The following ARL6IP6 variants were observed in gnomAD, a reference collection of about 807,000 sequenced individuals.
The protein encoded by ARL6IP6 is ADP-ribosylation factor-like protein 6-interacting protein 6.
A neutral mutation model predicts 21.5 loss-of-function variants in ARL6IP6; 22 were observed. That is an observed-to-expected ratio of 1.02 (90% CI 0.73 to 1.46). The LOEUF is 1.46. Among genes scored for constraint, ARL6IP6 ranks in the 40% most tolerant of loss-of-function variants. The pLI, the probability that ARL6IP6 is intolerant of heterozygous loss-of-function variation, is 0.00. For missense variants in ARL6IP6, 388 were observed against 299.8 expected (o/e 1.29, Z -2.17); for synonymous variants, 164 against 125.3 (o/e 1.31, Z -2.06).
intron 2 of ARL6IP6, among the ~76,000 whole-genome samples, chr2:152,725,670 A>G (rs192706945): frequency 6.6e-6 from 1 of 152,248 alleles, no homozygotes; most frequent in Non-Finnish European, 1.5e-5. Flanking sequence ...AAGCAGGAAT[A>G]ATGACAAGCT....
upstream of ARL6IP6, chr2:152,717,726 G>C (rs190321952): frequency 1.5e-6 from 2 of 1,349,794 alleles, no homozygotes; most frequent in Non-Finnish European, 9.6e-7. Context: ...GAAGACAACA[G>C]TGTCCCAGCT....
intron 2 of ARL6IP6, among the ~76,000 whole-genome samples, chr2:152,733,831 A>G (rs913637496): frequency 6.6e-6 from 1 of 152,130 alleles, no homozygotes; most frequent in Non-Finnish European, 1.5e-5. Flanking sequence ...TTATCTTCCT[A>G]TCCCACTAGA....
chr2:152,718,860 G>C lies in ARL6IP6; in HGVS notation c.236G>C (p.Gly79Ala), dbSNP rs756811007. Residue 79 changes from glycine to alanine, a missense_variant, in exon 1 of 4, where the codon GGG (glycine) becomes GCG (alanine). By Grantham distance (60) the Gly-to-Ala change is moderately conservative. Transcript: ENST00000326446. Reference sequence around the variant, plus strand: ...TCGGTGCTCCCGCCGGACGGGAACGGGTCGCCCGTTCTGCCCGATAAGCGC... The same window carrying C: ...TCGGTGCTCCCGCCGGACGGGAACGCGTCGCCCGTTCTGCCCGATAAGCGC... Reference protein sequence around the residue: ...KRSVLPPDGNGSPVLPDKRNG... With the variant: ...KRSVLPPDGNASPVLPDKRNG... 5.0e-6 allele frequency: 8 copies of C among 1,613,286 alleles called. No individual in the cohort carries two copies. The African/African-American group carries it at 9.3e-5, about 19-fold the overall frequency.
chr2:152,725,349 T>TG (rs1349062480), intron 2 of ARL6IP6, among the ~76,000 whole-genome samples: 1 of 152,194 alleles, frequency 6.6e-6, no homozygotes, highest in Non-Finnish European at 1.5e-5. Flanking sequence ...GAATTAGGAT[T>TG]CCAGTAAGAC....
At chr2:152,727,405 G>A (rs1559225858) in intron 2 of ARL6IP6, among the ~76,000 whole-genome samples, 2 of 152,252 alleles carry the variant, frequency 1.3e-5, no homozygotes, top group East Asian at 3.9e-4. Flanking sequence ...GTAAGCTAAG[G>A]TTAATTTATT....
chr2:152,726,625 A>G (rs1700063694), intron 2 of ARL6IP6, among the ~76,000 whole-genome samples: 2 of 152,248 alleles, frequency 1.3e-5, no homozygotes, highest in South Asian at 4.1e-4. Context: ...AGTTTCATGC[A>G]TATGATACAT....
rs1701844129 is a variant in ARL6IP6 at position 152,761,542 on chromosome 2, G to A, written c.*1702G>A. On this transcript the variant is annotated 3_prime_UTR_variant, in exon 4 of 4. Coordinates refer to ENST00000326446, the MANE Select transcript of ARL6IP6 (RefSeq NM_152522.7). ...TTATTAACAGTAGACCCTAGATAGA[G>A]ATATGTACACCCTAGACAGTCATGT... Among the ~76,000 whole-genome samples the A allele has an allele frequency of 6.6e-6, 1 of 152,156 alleles. No individual in the cohort carries two copies. Among genetic ancestry groups the A allele is most frequent in the Admixed American group, 6.5e-5 (1 of 15,272 alleles).
intron 2 of ARL6IP6, among the ~76,000 whole-genome samples, chr2:152,721,935 T>C (rs1307312510): frequency 6.6e-6 from 1 of 152,264 alleles, no homozygotes; most frequent in East Asian, 1.9e-4. Flanking sequence ...TGTATGTTTT[T>C]ACATTGTTTT....
chr2:152,728,449 C>T (rs989214492), intron 2 of ARL6IP6, among the ~76,000 whole-genome samples: 12 of 152,088 alleles, frequency 7.9e-5, no homozygotes, highest in African/African-American at 2.9e-4. Context: ...TGTCTGACTT[C>T]ATAAAACTTC....
intron 3 of ARL6IP6, among the ~76,000 whole-genome samples, chr2:152,758,999 G>A (rs1352823125): frequency 6.6e-6 from 1 of 152,120 alleles, no homozygotes; most frequent in African/African-American, 2.4e-5. Context: ...GTCTCAGTTG[G>A]ATACTACCTT....
At chr2:152,738,756 C>T (rs1206799458) in intron 3 of ARL6IP6, among the ~76,000 whole-genome samples, 1 of 152,138 alleles carries the variant, frequency 6.6e-6, no homozygotes, top group Non-Finnish European at 1.5e-5. Flanking sequence ...GCTGGGAAGA[C>T]CTCTGACATG....
intron 3 of ARL6IP6, among the ~76,000 whole-genome samples, chr2:152,736,748 C>T (rs1252959795): frequency 2.0e-5 from 3 of 152,080 alleles, no homozygotes; most frequent in Non-Finnish European, 4.4e-5. Flanking sequence ...TACAATACAA[C>T]AATAAAAAGT....
At chr2:152,720,492 T>C (rs574413561) in intron 1 of ARL6IP6, 41 bp from the exon 2 acceptor site, 7 of 1,587,162 alleles carry the variant, frequency 4.4e-6, no homozygotes, top group Middle Eastern at 1.7e-4. Context: ...TTTCAAATTA[T>C]AGTATTGCTT....
chr2:152,717,816 G>C (rs1450567191), upstream of ARL6IP6: 3 of 1,146,222 alleles, frequency 2.6e-6, no homozygotes, highest in East Asian at 6.6e-5. Context: ...CCCGAGTTAC[G>C]TACGCCCCAC....
chr2:152,718,731 G>C lies in ARL6IP6; in HGVS notation c.107G>C (p.Ser36Thr). ...PSYSSFTQGD[S>T]WGEGEVDEEE... is the part of the protein sequence containing the mutation. ...TATTCCTCCTTTACTCAGGGGGACA[G>C]CTGGGGTGAAGGCGAAGTCGACGAG... Residue 36 changes from serine to threonine, a missense_variant, in exon 1 of 4, where the codon AGC becomes ACC. Coordinates refer to ENST00000326446, the MANE Select transcript of ARL6IP6 (RefSeq NM_152522.7). 1.9e-6 allele frequency: 3 copies of C among 1,610,918 alleles called. No homozygotes were observed. The highest frequency in any genetic ancestry group is 2.5e-6 in the Non-Finnish European group (3 of 1,178,662).
Position 152,750,211 on chromosome 2 carries a change from G to T in ARL6IP6, c.588-9536G>T, listed in dbSNP as rs551540447. Among the ~76,000 whole-genome samples the T allele has an allele frequency of 1.8e-4, 28 of 152,274 alleles. No homozygotes were observed. In the South Asian group the frequency reaches 5.8e-3, roughly 32 times the overall value. Reference sequence around the variant, plus strand: ...TGTAGAACTGAGACCGAGCGCAGTGGCTCACGCCTGTATCCCAGCACTTTG... The same window carrying T: ...TGTAGAACTGAGACCGAGCGCAGTGTCTCACGCCTGTATCCCAGCACTTTG... On this transcript the variant is annotated intron_variant, in intron 3 of 3. Transcript: ENST00000326446.
At chr2:152,737,925 CAT>C (rs1559233471) in intron 3 of ARL6IP6, among the ~76,000 whole-genome samples, 2 of 152,176 alleles carry the variant, frequency 1.3e-5, no homozygotes, top group African/African-American at 2.4e-5. Context: ...AGCATTAACT[CAT>C]AAGTCCACAG....
chr2:152,750,157 T>C (rs1182980154), intron 3 of ARL6IP6, among the ~76,000 whole-genome samples: 1 of 152,140 alleles, frequency 6.6e-6, no homozygotes, highest in Non-Finnish European at 1.5e-5. Context: ...TTTAGGATTA[T>C]TTCTTGCTAC....
chr2:152,737,887 A>G (rs1415663548), intron 3 of ARL6IP6, among the ~76,000 whole-genome samples: 2 of 152,026 alleles, frequency 1.3e-5, no homozygotes, highest in South Asian at 2.1e-4. Flanking sequence ...AAAACCAATC[A>G]TGCCTTCCCA....
Sources: gnomAD v4.1 joint callset for allele counts (sites outside exome capture counted in the v4.1 genomes callset) on GRCh38, gnomAD v4.1.1 for gene constraint, MANE v1.5 for transcripts, NCBI Gene and HGNC (gene_info 2026-07-23, HGNC 2026-07-21) for gene names.